DGKB: variants seen among roughly 807,000 people sequenced by gnomAD.
DGKB encodes diacylglycerol kinase beta.
Under a neutral mutation model 114.3 loss-of-function variants are expected in DGKB, and 67 were observed. The ratio of observed to expected loss-of-function variants is 0.59; its 90% CI spans 0.48 to 0.72. The LOEUF (loss-of-function observed/expected upper bound fraction) is 0.72, where lower values mean the gene tolerates loss of function less well. DGKB is among the 30% of genes least tolerant of loss of function. The pLI, the probability that DGKB is intolerant of heterozygous loss-of-function variation, is 0.00. For synonymous variants in DGKB, 398 were observed against 323.1 expected (o/e 1.23, Z -2.49); for missense variants, 907 against 975.2 (o/e 0.93, Z 0.93).
intron 5 of DGKB, among the ~76,000 whole-genome samples, chr7:14,720,473 T>TGTGTGTG (rs1564008723): frequency 4.8e-4 from 65 of 136,560 alleles, no homozygotes; most frequent in South Asian, 2.9e-3. Context: ...CCCGGCTGAT[T>TGTGTGTG]TGTGTGTGTG....
chr7:14,480,117 A>G (rs1204709778), intron 20 of DGKB, among the ~76,000 whole-genome samples: 2 of 151,938 alleles, frequency 1.3e-5, no homozygotes, highest in Admixed American at 6.6e-5. Context: ...CAGAATAGAG[A>G]AAGGGAGAGA....
chr7:14,357,473 T>A (rs958052928), intron 21 of DGKB, among the ~76,000 whole-genome samples: 11 of 152,210 alleles, frequency 7.2e-5, no homozygotes, highest in African/African-American at 2.4e-5. Context: ...ATCCCTTTAT[T>A]TTGAGCCTAT....
At chr7:14,708,566 A>G (rs1018830938) in intron 6 of DGKB, among the ~76,000 whole-genome samples, 1 of 151,446 alleles carries the variant, frequency 6.6e-6, no homozygotes, top group African/African-American at 2.4e-5. Flanking sequence ...TTCAAACTAT[A>G]CTACAAGGCT....
At chr7:14,901,864 C>G (rs1783135544) in intron 1 of DGKB, among the ~76,000 whole-genome samples, 1 of 152,000 alleles carries the variant, frequency 6.6e-6, no homozygotes, top group South Asian at 2.1e-4. Context: ...AAGTTTTAAG[C>G]CTTCATTTTC....
chr7:14,733,196 G>T (rs111753750), intron 5 of DGKB, among the ~76,000 whole-genome samples: 75 of 152,230 alleles, frequency 4.9e-4, no homozygotes, highest in African/African-American at 1.8e-3. Context: ...AAAACAGCAA[G>T]TGCGGTGAGG....
rs966189955 is a variant in DGKB at position 14,718,773 on chromosome 7, C to T, written c.323-88G>A. ...ATTAAGAAAATAGAGAACACACAGGCTACATAGAAATTTATATTTTTTAGG... is the reference window on the plus strand; with the variant it reads ...ATTAAGAAAATAGAGAACACACAGGTTACATAGAAATTTATATTTTTTAGG... On this transcript the variant is annotated intron_variant, in intron 5 of 25. Coordinates refer to ENST00000402815, the MANE Select transcript of DGKB (RefSeq NM_001350709.2). 9 of 974,448 alleles carry T rather than the reference C, an allele frequency of 9.2e-6. No homozygotes were observed. In the African/African-American group the frequency reaches 1.5e-4, roughly 16 times the overall value. 60.4% of individuals were successfully genotyped at this position (974,448 alleles called of 1,614,324 possible). A position where few individuals can be genotyped will look rare whatever the true frequency, so the allele number is the denominator to read the frequency against.
At chr7:14,644,191 T>G (rs910766217) in intron 13 of DGKB, among the ~76,000 whole-genome samples, 2 of 151,192 alleles carry the variant, frequency 1.3e-5, no homozygotes, top group Non-Finnish European at 2.9e-5. Flanking sequence ...TCTACCTAAC[T>G]GACTCTATAG....
At chr7:14,284,446 A>G (rs1008078165) in intron 23 of DGKB, among the ~76,000 whole-genome samples, 4 of 145,562 alleles carry the variant, frequency 2.7e-5, no homozygotes, top group African/African-American at 5.7e-5. Context: ...TGTGGAAGTC[A>G]GTGTGGTGAT....
intron 2 of DGKB, among the ~76,000 whole-genome samples, chr7:14,818,111 A>T (rs1338440773): frequency 6.6e-6 from 1 of 152,196 alleles, no homozygotes; most frequent in Non-Finnish European, 1.5e-5. Flanking sequence ...ACAAAATCCC[A>T]GAAGATTATA....
intron 1 of DGKB, among the ~76,000 whole-genome samples, chr7:14,970,136 T>C (rs775786042): frequency 3.9e-5 from 6 of 152,298 alleles, no homozygotes; most frequent in Middle Eastern, 3.4e-3. Context: ...TTATATGACA[T>C]GACTTCAATC....
intron 25 of DGKB, among the ~76,000 whole-genome samples, chr7:14,170,468 A>C (rs1172593066): frequency 6.6e-6 from 1 of 152,190 alleles, no homozygotes. Flanking sequence ...GGTAAATTTT[A>C]TATCTAGGTA....
At chr7:14,489,684 G>GA (rs1784336207) in intron 20 of DGKB, among the ~76,000 whole-genome samples, 1 of 152,148 alleles carries the variant, frequency 6.6e-6, no homozygotes, top group Non-Finnish European at 1.5e-5. Context: ...TTAAACTGAA[G>GA]TGGGGAATGA....
chr7:14,325,450 A>C (rs1220150258), intron 23 of DGKB, among the ~76,000 whole-genome samples: 1 of 152,190 alleles, frequency 6.6e-6, no homozygotes. Context: ...ATGAGTAGAC[A>C]AGACAGCAAG....
At chr7:14,899,996 G>T (rs1782739287) in intron 1 of DGKB, among the ~76,000 whole-genome samples, 1 of 152,004 alleles carries the variant, frequency 6.6e-6, no homozygotes, top group Non-Finnish European at 1.5e-5. Context: ...TTTCTAAAGG[G>T]GAGAAAATGC....
At chr7:14,500,119 C>T (rs1043789689) in intron 20 of DGKB, among the ~76,000 whole-genome samples, 8 of 151,774 alleles carry the variant, frequency 5.3e-5, no homozygotes, top group Admixed American at 5.3e-4. Flanking sequence ...TTATATGCTC[C>T]ATAACATTTT....
chr7:14,667,704 C>G (rs1330872956), intron 13 of DGKB, among the ~76,000 whole-genome samples: 1 of 152,100 alleles, frequency 6.6e-6, no homozygotes, highest in Non-Finnish European at 1.5e-5. Context: ...TGAAAAGGCT[C>G]AGAGCCTATC....
chr7:14,841,379 G>T lies in DGKB; in HGVS notation c.-116C>A. 1.2e-6 allele frequency: 1 copy of T among 829,924 alleles called. No individual in the cohort carries two copies. The highest frequency in any genetic ancestry group is 1.9e-6 in the Non-Finnish European group (1 of 537,842). The allele number at this position is 829,924 out of a possible 1,614,324, so 51.4% of individuals were successfully genotyped here. A position where few individuals can be genotyped will look rare whatever the true frequency, so the allele number is the denominator to read the frequency against. ...CATGTTTCATGATAAAATACCTCAG[G>T]CTTTCAAAATATGCAATCTGTCCAC... is the stretch of plus-strand genomic sequence containing the variant. On this transcript the variant is annotated 5_prime_UTR_variant, in exon 2 of 26. Coordinates refer to ENST00000402815, the MANE Select transcript of DGKB (RefSeq NM_001350709.2).
intron 20 of DGKB, among the ~76,000 whole-genome samples, chr7:14,511,804 T>C (rs1484336299): frequency 1.3e-5 from 2 of 152,092 alleles, no homozygotes; most frequent in African/African-American, 2.4e-5. Context: ...GGGTTATTAA[T>C]AGCCTAATTT....
chr7:14,881,564 C>T (rs768613535), intron 1 of DGKB, among the ~76,000 whole-genome samples: 1 of 151,982 alleles, frequency 6.6e-6, no homozygotes, highest in Non-Finnish European at 1.5e-5. Context: ...AAGTCATAAA[C>T]ATTTATTAAC....
Sources: gnomAD v4.1 joint callset for allele counts (sites outside exome capture counted in the v4.1 genomes callset) on GRCh38, gnomAD v4.1.1 for gene constraint, MANE v1.5 for transcripts, NCBI Gene and HGNC (gene_info 2026-07-23, HGNC 2026-07-21) for gene names.